Variants in TFDP1 observed in about 807,000 individuals in gnomAD.
TFDP1 encodes DRTF1-polypeptide 1.
In TFDP1, 6 loss-of-function variants were observed where a neutral mutation model predicts 48.0. That is an observed-to-expected ratio of 0.13 (90% CI 0.07 to 0.25). The LOEUF (loss-of-function observed/expected upper bound fraction) is 0.25, where lower values mean the gene tolerates loss of function less well. TFDP1 is among the 10% of genes least tolerant of loss of function. The pLI is 1.00. For missense variants in TFDP1, 335 were observed against 543.0 expected, an observed-to-expected ratio of 0.62 and a Z score of 3.81; for synonymous variants, 201 against 211.6, an observed-to-expected ratio of 0.95 and a Z score of 0.44.
chr13:113,613,645 C>G (rs1239083129), intron 3 of TFDP1, among the ~76,000 whole-genome samples: 1 of 127,342 alleles, frequency 7.9e-6, no homozygotes, highest in South Asian at 2.6e-4. Context: ...GCATGTGTGT[C>G]TGCGTGAATG....
intron 2 of TFDP1, among the ~76,000 whole-genome samples, chr13:113,589,560 TCTCAGGCCCTCCGC>T (rs1410584551): frequency 6.6e-6 from 1 of 152,220 alleles, no homozygotes; most frequent in Non-Finnish European, 1.5e-5. Flanking sequence ...CCTCGAAACA[TCTCAGGCCCTCCGC>T]CTCAGGGCCT....
rs4150823 is a variant in TFDP1, at chr13:113,640,235, G to A, written c.1201G>A (p.Asp401Asn). 8.1e-6 allele frequency: 13 copies of A among 1,613,318 alleles called. No individual in the cohort carries two copies. In the African/African-American group the frequency reaches 1.2e-4, roughly 15 times the overall value. ...SYVGEDDEED[D>N]DFNENDEDD is the part of the protein sequence containing the mutation. ...CGTCGGGGAGGACGACGAGGAGGAC[G>A]ATGACTTCAACGAGAATGACGAGGA... is the stretch of plus-strand genomic sequence containing the variant. Residue 401 changes from aspartate (D) to asparagine (N), a missense_variant, in exon 12 of 12, where the codon GAT becomes AAT. Asp to Asn is a conservative substitution (Grantham distance 23). Around this residue, in one of 3 missense-constraint regions of TFDP1, gnomAD observed 204 missense variants for 287.1 expected, o/e 0.71. Transcript: ENST00000375370.
chr13:113,636,436 T>C, intron 9 of TFDP1, 98 bp from the exon 10 acceptor site: 1 of 1,343,204 alleles, frequency 7.4e-7, no homozygotes, highest in Non-Finnish European at 1.0e-6. Flanking sequence ...CGGGAAGCTG[T>C]GTGTGGCGGT....
Position 113,607,291 on chromosome 13 carries a change from A to G in TFDP1, c.13-3705A>G, listed in dbSNP as rs552708881. On this transcript the variant is annotated intron_variant, in intron 2 of 11. Transcript: ENST00000375370. This position sits in a 1 kb window ranked among gnomAD's most constrained non-coding sequence, Gnocchi z 5.2. ...AAGCTGAGGAAAGGGGCCAGCCGTG[A>G]GCTGCGGGTGCTTGCCAGGGATCTG... is the stretch of plus-strand genomic sequence containing the variant. 6.6e-6 allele frequency among the ~76,000 whole-genome samples: 1 copy of G among 152,346 alleles called. No individual in the cohort carries two copies. The highest frequency in any genetic ancestry group is 2.1e-4 in the South Asian group (1 of 4,830).
chr13:113,638,695 G>A (rs2049565992), intron 11 of TFDP1, among the ~76,000 whole-genome samples: 2 of 152,014 alleles, frequency 1.3e-5, no homozygotes, highest in South Asian at 4.1e-4. Flanking sequence ...TTTAATCTTT[G>A]ACCTGCAATC....
At chr13:113,605,896 C>CGCAGGGG (rs1566647924) in intron 2 of TFDP1, among the ~76,000 whole-genome samples, 4 of 135,134 alleles carry the variant, frequency 3.0e-5, no homozygotes, top group African/African-American at 1.3e-4. Flanking sequence ...GATGAGTGTC[C>CGCAGGGG]AAGGCGGCGC....
intron 8 of TFDP1, among the ~76,000 whole-genome samples, chr13:113,634,880 T>TGTGTGC (rs1293486906): frequency 2.0e-5 from 3 of 151,626 alleles, no homozygotes; most frequent in African/African-American, 7.3e-5. Context: ...CCTGTGTGCG[T>TGTGTGC]GTGCATGTGT....
chr13:113,601,274 C>A (rs983502953), intron 2 of TFDP1, among the ~76,000 whole-genome samples: 6 of 146,146 alleles, frequency 4.1e-5, no homozygotes, highest in African/African-American at 1.6e-4. Flanking sequence ...TCAGCCTGTC[C>A]CGGGCGGCCC....
chr13:113,639,989 C>T (rs760666557), intron 11 of TFDP1, 131 bp from the exon 12 acceptor site: 3 of 665,152 alleles, frequency 4.5e-6, no homozygotes, highest in African/African-American at 1.8e-5. Context: ...TCAGCCTCCC[C>T]GTTCTGTTTG....
intron 2 of TFDP1, among the ~76,000 whole-genome samples, chr13:113,586,629 C>T (rs2048011038): frequency 1.3e-5 from 2 of 152,182 alleles, no homozygotes; most frequent in South Asian, 2.1e-4. Flanking sequence ...GGAAAGAGTC[C>T]GCACATGCTG....
chr13:113,619,283 G>A (rs2048936716), intron 3 of TFDP1, among the ~76,000 whole-genome samples: 1 of 152,112 alleles, frequency 6.6e-6, no homozygotes, highest in Non-Finnish European at 1.5e-5. Flanking sequence ...GACCAGCCTG[G>A]CCAACATGGT....
At chr13:113,610,740 CTG>C (rs545502899) in intron 2 of TFDP1, among the ~76,000 whole-genome samples, 1 of 152,202 alleles carries the variant, frequency 6.6e-6, no homozygotes, top group South Asian at 2.1e-4. Flanking sequence ...TTTTTCAAGA[CTG>C]TGTGGATTCT....
At chr13:113,638,568 C>T (rs1159470813) in intron 11 of TFDP1, among the ~76,000 whole-genome samples, 1 of 152,210 alleles carries the variant, frequency 6.6e-6, no homozygotes, top group African/African-American at 2.4e-5. Flanking sequence ...TTTTTCAGAA[C>T]GCGTCTGTGG....
At chr13:113,593,518 G>A (rs2048202684) in intron 2 of TFDP1, among the ~76,000 whole-genome samples, 3 of 131,126 alleles carry the variant, frequency 2.3e-5, no homozygotes, top group South Asian at 2.5e-4. Context: ...CTGTGTGTGG[G>A]TCCTCACCCT....
At chr13:113,611,647 C>T (rs900616166) in intron 3 of TFDP1, among the ~76,000 whole-genome samples, 15 of 152,158 alleles carry the variant, frequency 9.9e-5, no homozygotes, top group Non-Finnish European at 1.9e-4. Flanking sequence ...CTGTGGTTTA[C>T]GTTCGTGAAG....
At chr13:113,617,056 T>C (rs4150747) in intron 3 of TFDP1, among the ~76,000 whole-genome samples, 3,200 of 151,910 alleles carry the variant, frequency 0.021, 88 homozygotes, top group East Asian at 0.11. Flanking sequence ...TATAGAGAGG[T>C]TTGTGGGAGT....
intron 3 of TFDP1, among the ~76,000 whole-genome samples, chr13:113,615,332 A>T (rs552718341): frequency 4.9e-4 from 74 of 152,278 alleles, no homozygotes; most frequent in African/African-American, 1.4e-3. Flanking sequence ...GCTCTTACTC[A>T]TATCATGCCT....
intron 4 of TFDP1, among the ~76,000 whole-genome samples, chr13:113,624,154 T>G (rs2049062236): frequency 6.6e-6 from 1 of 152,142 alleles, no homozygotes. Context: ...AACCCTGGGC[T>G]TTGGTGATGC....
At chr13:113,628,536 C>G (rs73577486) in intron 4 of TFDP1, among the ~76,000 whole-genome samples, 3,467 of 152,318 alleles carry the variant, frequency 0.023, 138 homozygotes, top group African/African-American at 0.079. Flanking sequence ...CTTTCAGCCC[C>G]TGCCTGCCTC....
Sources: allele counts gnomAD v4.1 joint callset (sites outside exome capture counted in the v4.1 genomes callset), GRCh38; gene constraint gnomAD v4.1.1; regional missense constraint gnomAD v4.1.1; non-coding constraint Gnocchi (gnomAD v3.1); transcripts MANE v1.5; gene names NCBI Gene and HGNC (gene_info 2026-07-23, HGNC 2026-07-21).